COMT: variants seen among roughly 807,000 people sequenced by gnomAD.
The protein encoded by COMT is catechol-O-methyltransferase.
A neutral mutation model predicts 18.9 loss-of-function variants in COMT; 13 were observed. The observed-to-expected ratio is 0.69, with a 90% confidence interval of 0.45 to 1.09. The LOEUF is 1.09. Among genes scored for constraint, COMT ranks in the 50% least tolerant of loss-of-function variants. The pLI is 0.00. For synonymous variants in COMT, 150 were observed against 160.9 expected (o/e 0.93, Z 0.51); for missense variants, 329 against 361.8 (o/e 0.91, Z 0.73).
intron 4 of COMT, 50 bp downstream of exon 4, chr22:19,963,809 G>A: frequency 6.4e-7 from 1 of 1,572,002 alleles, no homozygotes; most frequent in Non-Finnish European, 8.6e-7. Context: ...CCGGCTGTGG[G>A]CAGGGAGGGC....
intron 1 of COMT, among the ~76,000 whole-genome samples, chr22:19,942,636 C>T (rs737864): frequency 0.23 from 35,393 of 152,104 alleles, 4,401 homozygotes; most frequent in Middle Eastern, 0.34. Context: ...TTAAAGTGAC[C>T]CTCCAAGCCT....
chr22:19,961,360 G>A (rs1298475757), intron 2 of COMT, 71 bp downstream of exon 2: 1 of 152,370 alleles, frequency 6.6e-6, no homozygotes, highest in Non-Finnish European at 1.5e-5. Context: ...ATGGGCACAG[G>A]TCTGCTGAGC....
intron 1 of COMT, among the ~76,000 whole-genome samples, chr22:19,957,972 T>C (rs914167611): frequency 1.3e-5 from 2 of 152,226 alleles, no homozygotes; most frequent in Non-Finnish European, 2.9e-5. Flanking sequence ...TTTCTACCTG[T>C]TGGCCATTGT....
intron 1 of COMT, among the ~76,000 whole-genome samples, chr22:19,960,390 G>A (rs1156803642): frequency 6.6e-6 from 1 of 152,222 alleles, no homozygotes; most frequent in African/African-American, 2.4e-5. Context: ...TCCCCACCAT[G>A]AAGAAAGGAG....
Position 19,962,579 on chromosome 22 carries a change from T to A in COMT, c.53T>A (p.Leu18Gln), listed in dbSNP as rs1439513393. 3 of 1,562,206 alleles carry A rather than the reference T, an allele frequency of 1.9e-6. No homozygotes were observed. Among genetic ancestry groups the A allele is most frequent in the Non-Finnish European group, 2.6e-6 (3 of 1,153,548 alleles). Residue 18 changes from leucine (L) to glutamine (Q), a missense_variant, in exon 3 of 6, where the codon CTG (leucine) becomes CAG (glutamine). Transcript: ENST00000361682. ...LLAAVLLGLV[L>Q]LVVLLLLLRH... ...GCAGCTGTGTTGCTGGGCCTGGTGC[T>A]GCTGGTGGTGCTGCTGCTGCTTCTG...
intron 1 of COMT, among the ~76,000 whole-genome samples, chr22:19,953,540 G>A (rs1941994639): frequency 6.6e-6 from 1 of 152,134 alleles, no homozygotes; most frequent in Admixed American, 6.5e-5. Context: ...TGATCTGCCT[G>A]CCTCAGCCTC....
At position 19,969,094 on chromosome 22, in the gene COMT, T is replaced by G; in HGVS notation, c.*358T>G. 4.2e-6 allele frequency: 1 copy of G among 239,886 alleles called. No individual in the cohort carries two copies. Among genetic ancestry groups the G allele is most frequent in the Non-Finnish European group, 8.4e-6 (1 of 119,094 alleles). The allele number at this position is 239,886 out of a possible 1,614,324, so 14.9% of individuals were successfully genotyped here. ...TGCCCTTGACTTGGGCACCAAACATTCAAAGCTCCCCTTGACGGACGCTAA... is the reference window on the plus strand; with the variant it reads ...TGCCCTTGACTTGGGCACCAAACATGCAAAGCTCCCCTTGACGGACGCTAA... On this transcript the variant is annotated 3_prime_UTR_variant, in exon 6 of 6. Coordinates refer to ENST00000361682, the MANE Select transcript of COMT (RefSeq NM_000754.4).
chr22:19,945,921 T>A (rs1282437946), intron 1 of COMT, among the ~76,000 whole-genome samples: 1 of 152,140 alleles, frequency 6.6e-6, no homozygotes, highest in African/African-American at 2.4e-5. Context: ...CGCCTCGGCC[T>A]CCCAAAGTAC....
In COMT at chr22:19,968,766, C is replaced by T. The variant is rs1942580731; in HGVS notation, c.*30C>T. 1 of 1,593,740 alleles carries T rather than the reference C, an allele frequency of 6.3e-7. No homozygotes were observed. Among genetic ancestry groups the T allele is most frequent in the Non-Finnish European group, 8.5e-7 (1 of 1,172,684 alleles). On this transcript the variant is annotated 3_prime_UTR_variant, in exon 6 of 6. Transcript: ENST00000361682. ...CCCCCCGGCCCCCCTCTCGGGCTCTCTCACCCAGCCTGGTACTGAAGGTGC... is the reference window on the plus strand; with the variant it reads ...CCCCCCGGCCCCCCTCTCGGGCTCTTTCACCCAGCCTGGTACTGAAGGTGC...
intron 3 of COMT, chr22:19,963,338 T>C (rs1942247103): frequency 1.6e-6 from 1 of 607,886 alleles, no homozygotes; most frequent in Non-Finnish European, 2.9e-6. Context: ...TAAGGGACCA[T>C]GGGAGCTCCA....
rs531680429 is a variant in COMT, at chr22:19,968,902, G to A, written c.*166G>A. On this transcript the variant is annotated 3_prime_UTR_variant, in exon 6 of 6. Coordinates refer to ENST00000361682, the MANE Select transcript of COMT (RefSeq NM_000754.4). ...GCTAACCTCTCTGAACTGCAACACT[G>A]GATTGTTCTTTTTTAAGACTCAATC... 12 of 638,896 alleles carry A rather than the reference G, an allele frequency of 1.9e-5. No individual in the cohort carries two copies. The African/African-American group carries it at 2.2e-4, about 12-fold the overall frequency. The allele number at this position is 638,896 out of a possible 1,614,324, so 39.6% of individuals were successfully genotyped here. A position where few individuals can be genotyped will look rare whatever the true frequency, so the allele number is the denominator to read the frequency against.
chr22:19,966,986 C>A, intron 5 of COMT: 2 of 985,454 alleles, frequency 2.0e-6, no homozygotes, highest in Non-Finnish European at 2.4e-6. Context: ...TTAGCCAGTT[C>A]TCCAGGTGGT....
At position 19,968,523 on chromosome 22, in the gene COMT, G is replaced by A. The variant is rs760438359; in HGVS notation, c.616-13G>A. ...CTGACCCTCACCTCCCCCACCCCCC[G>A]GTCTGTTTGCAGGAATGTGGCCTGC... On this transcript the variant is annotated splice_polypyrimidine_tract_variant and intron_variant, in intron 5 of 5. Transcript: ENST00000361682. The A allele has an allele frequency of 1.3e-5, 21 of 1,612,000 alleles. No homozygotes were observed. The highest frequency in any genetic ancestry group is 3.3e-4 in the Middle Eastern group (2 of 6,010).
chr22:19,967,469 G>C (rs1012111730), intron 5 of COMT: 11 of 454,658 alleles, frequency 2.4e-5, no homozygotes, highest in Admixed American at 1.9e-4. Flanking sequence ...CCTTGGGGCT[G>C]TCCCCTGACC....
rs1445554964 is a variant in COMT, at chr22:19,941,881, G to A, written c.-108G>A. On this transcript the variant is annotated 5_prime_UTR_variant, in exon 1 of 6. Coordinates refer to ENST00000361682, the MANE Select transcript of COMT (RefSeq NM_000754.4). ...GACCGGGGCGGGTCCAGTCCCGGGC[G>A]GGCCGTCGCGGGAGAGGTGAGAGCG... 9.5e-6 allele frequency: 13 copies of A among 1,363,520 alleles called. No individual in the cohort carries two copies. Among genetic ancestry groups the A allele is most frequent in the Non-Finnish European group, 1.1e-5 (12 of 1,057,666 alleles). 84.5% of individuals were successfully genotyped at this position (1,363,520 alleles called of 1,614,324 possible).
In COMT at chr22:19,964,296, G is replaced by C. The variant is rs374941634; in HGVS notation, c.612G>C (p.Leu204Phe). ...KDRYLPDTLL[L>F]EECGLLRKGT... The stretch of plus-strand genomic sequence containing the variant: ...GGTACCTGCCGGACACGCTTCTCTT[G>C]GAGGTGAGCCCCAACCAGGATGGCA... The change falls in exon 5 of 6, where the codon TTG becomes TTC. Residue 204 changes from leucine (L) to phenylalanine (F), a missense_variant. Physicochemically the swap from Leu to Phe is conservative, Grantham distance 22. Coordinates refer to ENST00000361682, the MANE Select transcript of COMT (RefSeq NM_000754.4). The C allele has an allele frequency of 3.8e-5, 61 of 1,613,830 alleles. No individual in the cohort carries two copies. Among genetic ancestry groups the C allele is most frequent in the Admixed American group, 5.0e-5 (3 of 60,004 alleles).
chr22:19,964,331 G>A (rs372093597), intron 5 of COMT, 32 bp downstream of exon 5: 1 of 1,613,504 alleles, frequency 6.2e-7, no homozygotes, highest in Non-Finnish European at 8.5e-7. Flanking sequence ...ATCCGTGCCA[G>A]CTGCTGCCCA....
intron 1 of COMT, among the ~76,000 whole-genome samples, chr22:19,942,802 T>G (rs1941763533): frequency 1.3e-5 from 2 of 148,906 alleles, no homozygotes; most frequent in Admixed American, 6.7e-5. Context: ...AGTGAGGGAG[T>G]GGGAAGGGGT....
chr22:19,952,397 T>C (rs1941958910), intron 1 of COMT, among the ~76,000 whole-genome samples: 1 of 152,040 alleles, frequency 6.6e-6, no homozygotes. Flanking sequence ...CCCAGCACTT[T>C]GGGAGGCCAA....
Sources: gnomAD v4.1 joint callset for allele counts (sites outside exome capture counted in the v4.1 genomes callset) on GRCh38, gnomAD v4.1.1 for gene constraint, MANE v1.5 for transcripts, NCBI Gene and HGNC (gene_info 2026-07-23, HGNC 2026-07-21) for gene names.